Variants in SLCO3A1 observed in about 807,000 individuals in gnomAD.
SLCO3A1 encodes the protein solute carrier organic anion transporter family member 3A1.
SLCO3A1 carries 27 observed loss-of-function variants against 63.1 expected under a neutral mutation model. The ratio of observed to expected loss-of-function variants is 0.43; its 90% confidence interval spans 0.32 to 0.59. SLCO3A1 has a LOEUF of 0.59. SLCO3A1 is among the 20% of genes least tolerant of loss of function. The pLI is 0.09. For synonymous variants in SLCO3A1, 473 were observed against 409.9 expected, an observed-to-expected ratio of 1.15 and a Z score of -1.86; for missense variants, 773 against 945.8, an observed-to-expected ratio of 0.82 and a Z score of 2.40.
intron 2 of SLCO3A1, among the ~76,000 whole-genome samples, chr15:92,087,583 A>C (rs1205871005): frequency 7.4e-6 from 1 of 134,260 alleles, no homozygotes; most frequent in African/African-American, 2.9e-5. Flanking sequence ...CAATGGCGCT[A>C]TCTTGGCTCA....
chr15:91,972,188 G>A (rs763529231), intron 2 of SLCO3A1, among the ~76,000 whole-genome samples: 2 of 152,096 alleles, frequency 1.3e-5, no homozygotes, highest in South Asian at 2.1e-4. Context: ...ATTTGAAGTC[G>A]TATGGAGAAG....
chr15:91,994,398 G>A (rs2046165259), intron 2 of SLCO3A1, among the ~76,000 whole-genome samples: 2 of 152,100 alleles, frequency 1.3e-5, no homozygotes, highest in African/African-American at 4.8e-5. Flanking sequence ...CTAGCCCAAA[G>A]TCACAGTTGG....
At chr15:92,133,826 A>G (rs2048024654) in intron 7 of SLCO3A1, among the ~76,000 whole-genome samples, 1 of 111,394 alleles carries the variant, frequency 9.0e-6, no homozygotes, top group South Asian at 2.5e-4. Context: ...GATAAATGTG[A>G]TGTGCTTGAA....
chr15:92,079,606 A>G (rs980720258), intron 2 of SLCO3A1, among the ~76,000 whole-genome samples: 1 of 152,238 alleles, frequency 6.6e-6, no homozygotes, highest in Admixed American at 6.5e-5. Context: ...TAAAAGCCCT[A>G]TCTCTGAACA....
intron 2 of SLCO3A1, among the ~76,000 whole-genome samples, chr15:92,072,358 T>C (rs1407881684): frequency 6.6e-6 from 1 of 152,154 alleles, no homozygotes; most frequent in Non-Finnish European, 1.5e-5. Flanking sequence ...TATAACCAAC[T>C]GAACTCAGCC....
chr15:91,938,473 G>GTTTT (rs1035027089), intron 2 of SLCO3A1, among the ~76,000 whole-genome samples: 117 of 126,762 alleles, frequency 9.2e-4, no homozygotes, highest in African/African-American at 3.9e-3. Context: ...CTAAACATTG[G>GTTTT]TTTTTTTTGT....
At chr15:92,004,901 C>A (rs1292331996) in intron 2 of SLCO3A1, among the ~76,000 whole-genome samples, 1 of 152,168 alleles carries the variant, frequency 6.6e-6, no homozygotes, top group African/African-American at 2.4e-5. Flanking sequence ...AAGAACACTC[C>A]AAGTGTGGTC....
chr15:91,968,830 G>T lies in SLCO3A1; in HGVS notation c.646+52372G>T, dbSNP rs1900754578. Among the ~76,000 whole-genome samples, 1 of 152,184 alleles carries T rather than the reference G, an allele frequency of 6.6e-6. No individual in the cohort carries two copies. The highest frequency in any genetic ancestry group is 2.1e-4 in the South Asian group (1 of 4,830). Reference sequence around the variant, plus strand: ...ACCCTTAGGGTGGCGCTGTTTATTGGCGCCTTTTTGCTTGGCACATTCTGG... The same window carrying T: ...ACCCTTAGGGTGGCGCTGTTTATTGTCGCCTTTTTGCTTGGCACATTCTGG... On this transcript the variant is annotated intron_variant, in intron 2 of 9. Transcript: ENST00000318445. The surrounding 1 kb of genome is among the most constrained non-coding windows in gnomAD (Gnocchi z 4.2).
chr15:91,976,484 A>G (rs1051646847), intron 2 of SLCO3A1, among the ~76,000 whole-genome samples: 3 of 152,180 alleles, frequency 2.0e-5, no homozygotes, highest in Admixed American at 2.0e-4. Context: ...ATTGGACAAC[A>G]CAGCTGTAGC....
chr15:91,863,767 A>G lies in SLCO3A1; in HGVS notation c.180+9679A>G, dbSNP rs2141842499. ...CTTCAGAGAAGCCTCTCCTGTCCTT[A>G]TGCAAAAAACTGAGGGCAAGACTCC... On this transcript the variant is annotated intron_variant, in intron 1 of 9. Transcript: ENST00000318445. This position sits in a 1 kb window ranked among gnomAD's most constrained non-coding sequence, Gnocchi z 4.3. 6.6e-6 allele frequency among the ~76,000 whole-genome samples: 1 copy of G among 152,270 alleles called. No individual in the cohort carries two copies. Among genetic ancestry groups the G allele is most frequent in the Non-Finnish European group, 1.5e-5 (1 of 68,018 alleles).
At chr15:92,059,261 A>G (rs1378477491) in intron 2 of SLCO3A1, among the ~76,000 whole-genome samples, 1 of 152,188 alleles carries the variant, frequency 6.6e-6, no homozygotes, top group African/African-American at 2.4e-5. Context: ...CTGCAAGGAC[A>G]CTGTTACCTG....
intron 2 of SLCO3A1, among the ~76,000 whole-genome samples, chr15:92,037,570 G>A (rs747959430): frequency 7.9e-5 from 12 of 152,182 alleles, no homozygotes; most frequent in Non-Finnish European, 1.8e-4. Context: ...CCCAGCATGA[G>A]TTAAATTCCT....
At chr15:92,095,385 A>C (rs192229268) in intron 3 of SLCO3A1, among the ~76,000 whole-genome samples, 1 of 152,336 alleles carries the variant, frequency 6.6e-6, no homozygotes, top group Non-Finnish European at 1.5e-5. Context: ...TTTCCAAACT[A>C]AAAGTTGGAG....
intron 4 of SLCO3A1, among the ~76,000 whole-genome samples, chr15:92,117,398 A>G (rs1450030826): frequency 6.6e-6 from 1 of 152,142 alleles, no homozygotes; most frequent in Non-Finnish European, 1.5e-5. Flanking sequence ...AAGATTCTGC[A>G]CCCTAATGAA....
chr15:92,083,179 A>G lies in SLCO3A1; in HGVS notation c.647-11702A>G, dbSNP rs948110836. 6.6e-5 allele frequency among the ~76,000 whole-genome samples: 10 copies of G among 152,202 alleles called. No homozygotes were observed. In the South Asian group the frequency reaches 2.1e-3, roughly 32 times the overall value. On this transcript the variant is annotated intron_variant, in intron 2 of 9. Coordinates refer to ENST00000318445, the MANE Select transcript of SLCO3A1 (RefSeq NM_013272.4). ...GTGTACCAGCCCTGCGAGATATTATAGGAGAGACCGTTTTCTTGTTTCCTC... is the reference window on the plus strand; with the variant it reads ...GTGTACCAGCCCTGCGAGATATTATGGGAGAGACCGTTTTCTTGTTTCCTC...
intron 3 of SLCO3A1, 114 bp downstream of exon 3, chr15:92,095,093 C>A: frequency 1.5e-6 from 1 of 670,986 alleles, no homozygotes; most frequent in Non-Finnish European, 2.7e-6. Flanking sequence ...TCTTGATGCC[C>A]CTGCCTCTGT....
At chr15:92,046,469 G>A (rs764572672) in intron 2 of SLCO3A1, among the ~76,000 whole-genome samples, 6 of 152,158 alleles carry the variant, frequency 3.9e-5, no homozygotes, top group South Asian at 2.1e-4. Flanking sequence ...GGCGGAGGTT[G>A]CATTGAGCCA....
intron 2 of SLCO3A1, among the ~76,000 whole-genome samples, chr15:92,003,640 G>A (rs1597210465): frequency 6.6e-6 from 1 of 152,214 alleles, no homozygotes; most frequent in Non-Finnish European, 1.5e-5. Context: ...GCAAATGAGA[G>A]CTAGACAAGA....
intron 3 of SLCO3A1, among the ~76,000 whole-genome samples, chr15:92,099,158 G>A (rs1456029771): frequency 6.6e-6 from 1 of 152,238 alleles, no homozygotes; most frequent in Non-Finnish European, 1.5e-5. Context: ...GCTGCATGGC[G>A]TTTGCAGCTG....
Sources: allele counts gnomAD v4.1 joint callset (sites outside exome capture counted in the v4.1 genomes callset), GRCh38; gene constraint gnomAD v4.1.1; non-coding constraint Gnocchi (gnomAD v3.1); transcripts MANE v1.5; gene names NCBI Gene and HGNC (gene_info 2026-07-23, HGNC 2026-07-21).